The following MAP1LC3A variants were observed in gnomAD, a reference collection of about 807,000 sequenced individuals.
MAP1LC3A encodes microtubule associated protein 1 light chain 3 alpha, also known as microtubule-associated protein 1 light chain 3 alpha.
A neutral mutation model predicts 15.2 loss-of-function variants in MAP1LC3A; 10 were observed. The observed-to-expected ratio is 0.66, with a 90% confidence interval of 0.41 to 1.12. MAP1LC3A has a LOEUF of 1.12. Among genes scored for constraint, MAP1LC3A ranks in the 50% most tolerant of loss-of-function variants. MAP1LC3A has a pLI of 0.00. For missense variants in MAP1LC3A, 138 were observed against 167.3 expected (o/e 0.82, Z 0.97); for synonymous variants, 63 against 64.3 (o/e 0.98, Z 0.10).
chr20:34,551,810 T>C (rs1981960912), intron 2 of MAP1LC3A, among the ~76,000 whole-genome samples: 1 of 151,954 alleles, frequency 6.6e-6, no homozygotes. Flanking sequence ...GTGAGTGTAC[T>C]TCTCAGACTC....
At chr20:34,549,997 G>T in exon 2 of MAP1LC3A, 2 of 1,614,190 alleles carry the variant, frequency 1.2e-6, no homozygotes. Context: ...AGATTCTTCA[G>T]TTCTCCATGT....
chr20:34,548,352 G>T (rs1361974847), intron 1 of MAP1LC3A, among the ~76,000 whole-genome samples: 1 of 152,184 alleles, frequency 6.6e-6, no homozygotes, highest in African/African-American at 2.4e-5. Flanking sequence ...GGCTGCGAAG[G>T]CCGCGGGGAG....
chr20:34,550,092 C>G, intron 2 of MAP1LC3A: 1 of 1,528,678 alleles, frequency 6.5e-7, no homozygotes, highest in South Asian at 1.1e-5. Context: ...TCCACACTCG[C>G]GGTCATCAGT....
At chr20:34,558,498 G>C (rs905272214), upstream of MAP1LC3A, 16 of 1,043,122 alleles carry the variant, frequency 1.5e-5, no homozygotes, top group Non-Finnish European at 1.7e-5. This position sits in a 1 kb window ranked among gnomAD's most constrained non-coding sequence, Gnocchi z 4.3. Flanking sequence ...ACCGCCCTCC[G>C]GGCCTTACCT....
upstream of MAP1LC3A, among the ~76,000 whole-genome samples, chr20:34,557,301 A>C (rs1182558284): frequency 6.6e-6 from 1 of 152,034 alleles, no homozygotes; most frequent in Non-Finnish European, 1.5e-5. Flanking sequence ...TATAGTTTTA[A>C]TACCCATCAC....
chr20:34,553,608 GAC>G (rs1982029272), intron 2 of MAP1LC3A, among the ~76,000 whole-genome samples: 1 of 152,228 alleles, frequency 6.6e-6, no homozygotes, highest in Non-Finnish European at 1.5e-5. Flanking sequence ...TGTCCAGTTT[GAC>G]ACACAGCTCT....
upstream of MAP1LC3A, among the ~76,000 whole-genome samples, chr20:34,555,850 T>C (rs1015675100): frequency 1.5e-4 from 23 of 149,900 alleles, no homozygotes; most frequent in African/African-American, 4.9e-4. Flanking sequence ...TTCTTTCTTT[T>C]TTTTTTTTTT....
At chr20:34,554,362 T>TTG, upstream of MAP1LC3A, among the ~76,000 whole-genome samples, 3 of 3,766 alleles carry the variant, frequency 8.0e-4, no homozygotes, top group African/African-American at 2.3e-3. Context: ...GGGTTTTTTT[T>TTG]TTTTTTTTTT....
In MAP1LC3A at chr20:34,560,238, A is replaced by G. The variant is rs1315973335; in HGVS notation, c.*340A>G. 4.0e-6 allele frequency: 1 copy of G among 247,718 alleles called. No individual in the cohort carries two copies. Among genetic ancestry groups the G allele is most frequent in the African/African-American group, 2.3e-5 (1 of 42,788 alleles). The allele number at this position is 247,718 out of a possible 1,614,324, so 15.3% of individuals were successfully genotyped here. On this transcript the variant is annotated 3_prime_UTR_variant, in exon 4 of 4. Coordinates refer to ENST00000360668, the MANE Select transcript of MAP1LC3A (RefSeq NM_032514.4). ...CTCTGCCCACCGCCTGGACCTGCCC[A>G]CCCCTGAAAGACTGGCCCCTGGCTC...
chr20:34,559,508 C>G (rs1600574414), intron 3 of MAP1LC3A, 55 bp downstream of exon 3: 1 of 1,514,862 alleles, frequency 6.6e-7, no homozygotes, highest in East Asian at 2.3e-5. Flanking sequence ...GAGCCGGGTT[C>G]CCGCCGAGAA....
rs1982386633 is a variant in MAP1LC3A at position 34,560,046 on chromosome 20, C to T, written c.*148C>T. ...TAGTCAGAGGGCACCAACCCACCTA[C>T]TCTGCCCCTGGGTGGATCCTGGGCC... On this transcript the variant is annotated 3_prime_UTR_variant, in exon 4 of 4. Transcript: ENST00000360668. 2.6e-6 allele frequency: 2 copies of T among 767,704 alleles called. No individual in the cohort carries two copies. Among genetic ancestry groups the T allele is most frequent in the African/African-American group, 3.5e-5 (2 of 56,600 alleles). The allele number at this position is 767,704 out of a possible 1,614,324, so 47.6% of individuals were successfully genotyped here.
chr20:34,552,618 C>T (rs1006031657), intron 2 of MAP1LC3A, among the ~76,000 whole-genome samples: 10 of 152,228 alleles, frequency 6.6e-5, no homozygotes, highest in African/African-American at 2.4e-4. Flanking sequence ...TTGGCTCTTA[C>T]TCTAAGAGGG....
In MAP1LC3A at chr20:34,558,993, G is replaced by A; in HGVS notation, c.40+85G>A. 7.5e-7 allele frequency: 1 copy of A among 1,339,354 alleles called. No individual in the cohort carries two copies. Among genetic ancestry groups the A allele is most frequent in the Non-Finnish European group, 9.5e-7 (1 of 1,049,886 alleles). The allele number at this position is 1,339,354 out of a possible 1,614,324, so 83.0% of individuals were successfully genotyped here. A position where few individuals can be genotyped will look rare whatever the true frequency, so the allele number is the denominator to read the frequency against. On this transcript the variant is annotated intron_variant, in intron 1 of 3. Transcript: ENST00000360668. The surrounding 1 kb of genome is among the most constrained non-coding windows in gnomAD (Gnocchi z 4.3). The stretch of plus-strand genomic sequence containing the variant: ...CCGCAGGTGACGTCAGCCCCGTGAC[G>A]TCAGGCTCTGGCTGGACCCTCGGGC...
At position 34,559,748 on chromosome 20, in the gene MAP1LC3A, G is replaced by C. The variant is rs747652694; in HGVS notation, c.216G>C (p.Gln72His). The change falls in exon 4 of 4, where the codon CAG becomes CAC. Residue 72 changes from glutamine (Q) to histidine (H), a missense_variant. Transcript: ENST00000360668. ...ELVKIIRRRL[Q>H]LNPTQAFFLL... ...CCGCCGGCTGCAGGCGCCGCCTGCAGCTGAACCCCACGCAGGCCTTCTTCC... is the reference window on the plus strand; with the variant it reads ...CCGCCGGCTGCAGGCGCCGCCTGCACCTGAACCCCACGCAGGCCTTCTTCC... 6.2e-7 allele frequency: 1 copy of C among 1,606,936 alleles called. No homozygotes were observed. Among genetic ancestry groups the C allele is most frequent in the Non-Finnish European group, 8.5e-7 (1 of 1,178,080 alleles).
At chr20:34,551,601 G>T (rs1453339674) in intron 2 of MAP1LC3A, among the ~76,000 whole-genome samples, 1 of 151,710 alleles carries the variant, frequency 6.6e-6, no homozygotes, top group Non-Finnish European at 1.5e-5. Context: ...AGGTAGCTGG[G>T]ATTACAGGTG....
chr20:34,558,538 G>A (rs1270378966), upstream of MAP1LC3A: 2 of 1,120,942 alleles, frequency 1.8e-6, no homozygotes, highest in Non-Finnish European at 2.2e-6. The surrounding 1 kb of genome is among the most constrained non-coding windows in gnomAD (Gnocchi z 4.3). Flanking sequence ...AAGCTCCCGC[G>A]CTGCCCATGA....
At chr20:34,559,287 G>GGCCCCCC in intron 2 of MAP1LC3A, 24 bp downstream of exon 2, 6 of 1,564,072 alleles carry the variant, frequency 3.8e-6, no homozygotes, top group African/African-American at 1.4e-5. Flanking sequence ...CCCCAGCCCT[G>GGCCCCCC]CCCCGCCCCC....
chr20:34,558,736 A>C lies in MAP1LC3A; in HGVS notation c.-133A>C. ...CGTCACCGGGCGAGTTACCTCCCGC[A>C]GCCGCAGCCGCCGTGCTCAGCGCGA... On this transcript the variant is annotated 5_prime_UTR_variant, in exon 1 of 4. Coordinates refer to ENST00000360668, the MANE Select transcript of MAP1LC3A (RefSeq NM_032514.4). This position sits in a 1 kb window ranked among gnomAD's most constrained non-coding sequence, Gnocchi z 4.3. The C allele has an allele frequency of 7.6e-7, 1 of 1,307,610 alleles. No homozygotes were observed. Among genetic ancestry groups the C allele is most frequent in the Non-Finnish European group, 9.7e-7 (1 of 1,032,700 alleles). The allele number at this position is 1,307,610 out of a possible 1,614,324, so 81.0% of individuals were successfully genotyped here.
chr20:34,558,584 C>T (rs1982250369), upstream of MAP1LC3A: 2 of 1,198,458 alleles, frequency 1.7e-6, no homozygotes, highest in Non-Finnish European at 2.1e-6. The surrounding 1 kb of genome is among the most constrained non-coding windows in gnomAD (Gnocchi z 4.3). Context: ...AAGCCCCGCC[C>T]CTCGCGTCCC....
Sources: allele counts gnomAD v4.1 joint callset (sites outside exome capture counted in the v4.1 genomes callset), GRCh38; gene constraint gnomAD v4.1.1; non-coding constraint Gnocchi (gnomAD v3.1); transcripts MANE v1.5; gene names NCBI Gene and HGNC (gene_info 2026-07-23, HGNC 2026-07-21).